Variants in GFRAL observed in about 807,000 individuals in gnomAD.
The protein encoded by GFRAL is GDNF family receptor alpha-like.
Under a neutral mutation model 45.4 loss-of-function variants are expected in GFRAL, and 36 were observed. The ratio of observed to expected loss-of-function variants is 0.79; its 90% CI spans 0.61 to 1.05. The LOEUF is 1.05. Ranked by LOEUF, GFRAL falls within the 50% of genes least tolerant of loss-of-function variation. The probability of loss-of-function intolerance (pLI) is 0.00; values close to 1 mark genes in which losing one functional copy is unlikely to be tolerated. For synonymous variants in GFRAL, 166 were observed against 154.1 expected (o/e 1.08, Z -0.57); for missense variants, 507 against 467.5 (o/e 1.08, Z -0.78).
At chr6:55,343,246 A>C (rs1423943911) in intron 3 of GFRAL, among the ~76,000 whole-genome samples, 1 of 152,154 alleles carries the variant, frequency 6.6e-6, no homozygotes, top group Non-Finnish European at 1.5e-5. Context: ...ACCATATCAC[A>C]CTTATTCGAA....
intron 3 of GFRAL, among the ~76,000 whole-genome samples, chr6:55,339,549 T>C (rs141968402): frequency 1.3e-5 from 2 of 152,086 alleles, no homozygotes; most frequent in African/African-American, 4.8e-5. Context: ...TTATGACCTA[T>C]TTGAAGAAAC....
Position 55,351,525 on chromosome 6 carries a change from G to T in GFRAL, c.643G>T (p.Val215Phe). 6.2e-7 allele frequency: 1 copy of T among 1,610,376 alleles called. No homozygotes were observed. Among genetic ancestry groups the T allele is most frequent in the Non-Finnish European group, 8.5e-7 (1 of 1,177,076 alleles). ...LHSKTCAVNM[V>F]PPPTCLSVIR... Reference sequence around the variant, plus strand: ...CAGCAAGACATGTGCAGTGAACATGGTTCCACCCCCTACTTGCCTCAGTGT... The same window carrying T: ...CAGCAAGACATGTGCAGTGAACATGTTTCCACCCCCTACTTGCCTCAGTGT... The change falls in exon 5 of 9, where the codon GTT becomes TTT. Residue 215 changes from valine to phenylalanine, a missense_variant. Transcript: ENST00000340465.
At chr6:55,334,362 C>T (rs1767866724) in intron 3 of GFRAL, among the ~76,000 whole-genome samples, 1 of 152,120 alleles carries the variant, frequency 6.6e-6, no homozygotes, top group South Asian at 2.1e-4. Flanking sequence ...TCAGTGTCTC[C>T]TGGGAGAAAT....
intron 3 of GFRAL, among the ~76,000 whole-genome samples, chr6:55,345,162 G>A (rs906971766): frequency 6.6e-6 from 1 of 152,108 alleles, no homozygotes; most frequent in Admixed American, 6.6e-5. Context: ...AGCTACCAAT[G>A]ACTTCCTTCA....
rs1247643232 is a variant in GFRAL, at chr6:55,351,578, A to G, written c.696A>G (p.Leu232=). 6.3e-7 allele frequency: 1 copy of G among 1,595,964 alleles called. No homozygotes were observed. The highest frequency in any genetic ancestry group is 1.7e-5 in the Admixed American group (1 of 59,252). The change falls in exon 5 of 9, where the codon TTA becomes TTG. Residue 232 remains leucine, a synonymous_variant. Transcript: ENST00000340465. ...TTCGCAGCTGCCAAAATGATGAATT[A>G]TGCAGGTGGGTAAAAACACTCATAC... ...SVIRSCQNDE[L]CRRHYRTFQS... is the part of the protein sequence containing the mutation.
intron 3 of GFRAL, among the ~76,000 whole-genome samples, chr6:55,344,534 T>C (rs1202589150): frequency 1.3e-5 from 2 of 152,100 alleles, no homozygotes; most frequent in African/African-American, 2.4e-5. Flanking sequence ...ATTGATGGGA[T>C]GTATCTCAAA....
intron 6 of GFRAL, among the ~76,000 whole-genome samples, chr6:55,368,115 A>G (rs1465615793): frequency 6.7e-6 from 1 of 149,700 alleles, no homozygotes; most frequent in Admixed American, 6.6e-5. Flanking sequence ...ACATAGTCCC[A>G]TATTTCTTGG....
chr6:55,378,220 G>A (rs542908773), intron 6 of GFRAL, among the ~76,000 whole-genome samples: 53 of 152,068 alleles, frequency 3.5e-4, no homozygotes, highest in African/African-American at 1.2e-3. Flanking sequence ...CTCTTAGGTT[G>A]CAGCTGCATA....
At chr6:55,337,284 G>A (rs1171002344) in intron 3 of GFRAL, among the ~76,000 whole-genome samples, 1 of 151,934 alleles carries the variant, frequency 6.6e-6, no homozygotes, top group African/African-American at 2.4e-5. Context: ...TTCAATCATG[G>A]TGTATTATTC....
rs183841081 is a variant in GFRAL, at chr6:55,345,895, C to A, written c.317-4197C>A. Among the ~76,000 whole-genome samples, 553 of 152,296 alleles carry A rather than the reference C, an allele frequency of 3.6e-3. 3 individuals carry two copies. Among genetic ancestry groups the A allele is most frequent in the Middle Eastern group, 0.014 (4 of 294 alleles). On this transcript the variant is annotated intron_variant, in intron 3 of 8. Coordinates refer to ENST00000340465, the MANE Select transcript of GFRAL (RefSeq NM_207410.2). Reference sequence around the variant, plus strand: ...AGTGAGTGAAGGATATGAACAGACACTTCTCAAAAGAAGACATTTATGCAG... The same window carrying A: ...AGTGAGTGAAGGATATGAACAGACAATTCTCAAAAGAAGACATTTATGCAG...
At chr6:55,382,651 T>A (rs1355054763) in intron 6 of GFRAL, among the ~76,000 whole-genome samples, 1 of 151,968 alleles carries the variant, frequency 6.6e-6, no homozygotes, top group Non-Finnish European at 1.5e-5. Flanking sequence ...ATTCTGTGCT[T>A]GGAAATGTAA....
At chr6:55,393,457 T>A (rs1215548775) in intron 6 of GFRAL, among the ~76,000 whole-genome samples, 1 of 152,114 alleles carries the variant, frequency 6.6e-6, no homozygotes, top group African/African-American at 2.4e-5. Flanking sequence ...CCCTTGAAAA[T>A]AGAGAATGAC....
intron 1 of GFRAL, 129 bp downstream of exon 1, chr6:55,327,705 C>T (rs959626654): frequency 6.1e-6 from 5 of 821,320 alleles, no homozygotes; most frequent in East Asian, 2.6e-5. Context: ...CAAATTTATG[C>T]TTTAACATGG....
At chr6:55,362,737 CA>C (rs1317784882) in intron 6 of GFRAL, among the ~76,000 whole-genome samples, 2 of 151,876 alleles carry the variant, frequency 1.3e-5, no homozygotes, top group East Asian at 1.9e-4. Flanking sequence ...TTGCATTTCC[CA>C]GAGCTTTTTT....
At chr6:55,339,309 T>C (rs2127351487) in intron 3 of GFRAL, among the ~76,000 whole-genome samples, 1 of 152,248 alleles carries the variant, frequency 6.6e-6, no homozygotes, top group East Asian at 1.9e-4. Context: ...TGCTTTGGAA[T>C]ATTCGAGTTA....
intron 3 of GFRAL, among the ~76,000 whole-genome samples, chr6:55,347,464 C>T (rs143589472): frequency 3.3e-3 from 501 of 152,068 alleles, no homozygotes; most frequent in Middle Eastern, 6.8e-3. Context: ...ATGACAAGAT[C>T]TGAGGTAGAG....
In GFRAL at chr6:55,373,675, A is replaced by G. The variant is rs1034433322; in HGVS notation, c.952+14537A>G. On this transcript the variant is annotated intron_variant, in intron 6 of 8. Transcript: ENST00000340465. Reference sequence around the variant, plus strand: ...CTCTTAATCTGAGATTTGCTCCATCATTGAATCAATTTATTTAACTTAGAA... The same window carrying G: ...CTCTTAATCTGAGATTTGCTCCATCGTTGAATCAATTTATTTAACTTAGAA... Among the ~76,000 whole-genome samples the G allele has an allele frequency of 2.0e-5, 3 of 152,198 alleles. No homozygotes were observed. The South Asian group carries it at 6.2e-4, about 32-fold the overall frequency.
In GFRAL at chr6:55,350,136, TC is replaced by T. The variant is rs754106513; in HGVS notation, c.364del (p.His122IlefsTer18). 6.5e-7 allele frequency: 1 copy of T among 1,532,194 alleles called. No individual in the cohort carries two copies. The highest frequency in any genetic ancestry group is 9.0e-7 in the Non-Finnish European group (1 of 1,106,696). The allele number at this position is 1,532,194 out of a possible 1,614,324, so 94.9% of individuals were successfully genotyped here. A position where few individuals can be genotyped will look rare whatever the true frequency, so the allele number is the denominator to read the frequency against. ...DKFKWNLTTR[S>X]HHGFKGMWSC... ...ATTCAAATGGAATCTAACTACACGT[TC>T]CCATCATGGTAATGTTTTTAAGTTA... is the stretch of plus-strand genomic sequence containing the variant. On this transcript the variant is annotated frameshift_variant, in exon 4 of 9. Transcript: ENST00000340465. LOFTEE classifies it high-confidence loss of function.
intron 6 of GFRAL, among the ~76,000 whole-genome samples, chr6:55,371,856 A>C (rs1768455002): frequency 6.6e-6 from 1 of 152,332 alleles, no homozygotes; most frequent in South Asian, 2.1e-4. Flanking sequence ...AAAAACAGAC[A>C]CAAATAAACC....
Sources: allele counts gnomAD v4.1 joint callset (sites outside exome capture counted in the v4.1 genomes callset), GRCh38; gene constraint gnomAD v4.1.1; transcripts MANE v1.5; gene names NCBI Gene and HGNC (gene_info 2026-07-23, HGNC 2026-07-21).